ABCA13: variants seen among roughly 807,000 people sequenced by gnomAD.
ABCA13 encodes ATP binding cassette subfamily A member 13, also known as ATP-binding cassette sub-family A member 13.
ABCA13 carries 476 observed loss-of-function variants against 478.7 expected under a neutral mutation model. The observed-to-expected ratio is 0.99, with a 90% CI of 0.92 to 1.07. The LOEUF (loss-of-function observed/expected upper bound fraction) is 1.07, where lower values mean the gene tolerates loss of function less well. Among genes scored for constraint, ABCA13 ranks in the 50% least tolerant of loss-of-function variants. ABCA13 has a pLI of 0.00. For missense variants in ABCA13, 6,060 were observed against 5,910.6 expected, an observed-to-expected ratio of 1.03 and a Z score of -0.83; for synonymous variants, 2,252 against 2,158.9, an observed-to-expected ratio of 1.04 and a Z score of -1.20.
At chr7:48,596,755 G>A (rs1390572028) in intron 58 of ABCA13, among the ~76,000 whole-genome samples, 1 of 151,506 alleles carries the variant, frequency 6.6e-6, no homozygotes, top group East Asian at 2.0e-4. Context: ...CCAAGATCGG[G>A]CCACTGCACT....
intron 32 of ABCA13, among the ~76,000 whole-genome samples, chr7:48,370,186 C>T (rs1156805052): frequency 6.6e-6 from 1 of 152,044 alleles, no homozygotes; most frequent in East Asian, 1.9e-4. Context: ...TGATTTGACT[C>T]TCAGCTTGGT....
At chr7:48,298,846 A>C (rs911088376) in intron 23 of ABCA13, among the ~76,000 whole-genome samples, 1 of 152,348 alleles carries the variant, frequency 6.6e-6, no homozygotes, top group Admixed American at 6.5e-5. Context: ...TAAAATACCC[A>C]AAACCAAAAA....
Position 48,511,372 on chromosome 7 carries a change from C to G in ABCA13, c.13640+173C>G, listed in dbSNP as rs748409010. Among the ~76,000 whole-genome samples the G allele has an allele frequency of 3.3e-5, 5 of 152,108 alleles. 1 individual carries two copies. The highest frequency in any genetic ancestry group is 7.3e-5 in the Non-Finnish European group (5 of 68,028). ...AGCCTGAGCAGGATGATGAATGCCC[C>G]GTGGAGGAAGGAAGGGCTGACCTGG... is the stretch of plus-strand genomic sequence containing the variant. On this transcript the variant is annotated intron_variant, in intron 51 of 61. Coordinates refer to ENST00000435803, the MANE Select transcript of ABCA13 (RefSeq NM_152701.5).
chr7:48,288,732 T>A (rs1335952801), intron 20 of ABCA13, among the ~76,000 whole-genome samples: 1 of 152,208 alleles, frequency 6.6e-6, no homozygotes, highest in Admixed American at 6.5e-5. Context: ...CAAAAATTGA[T>A]GGCTGAATGG....
intron 15 of ABCA13, among the ~76,000 whole-genome samples, chr7:48,266,722 C>T (rs73697115): frequency 0.036 from 5,430 of 151,402 alleles, 297 homozygotes; most frequent in African/African-American, 0.12. Context: ...TTTCTTTATT[C>T]TACTTAGTTT....
chr7:48,450,930 C>T (rs374239537), intron 42 of ABCA13, among the ~76,000 whole-genome samples: 2 of 150,920 alleles, frequency 1.3e-5, no homozygotes, highest in African/African-American at 4.9e-5. Context: ...CAGTTAATAC[C>T]TACACATTAA....
intron 48 of ABCA13, among the ~76,000 whole-genome samples, chr7:48,492,408 C>T (rs1829917634): frequency 6.6e-6 from 1 of 152,180 alleles, no homozygotes; most frequent in South Asian, 2.1e-4. Context: ...CTTTCTTCTC[C>T]CACAGTTATT....
At position 48,227,180 on chromosome 7, in the gene ABCA13, C is replaced by T; in HGVS notation, c.469-82C>T. On this transcript the variant is annotated intron_variant, in intron 5 of 61. Coordinates refer to ENST00000435803, the MANE Select transcript of ABCA13 (RefSeq NM_152701.5). ...CTAGGAGAATGTCTACAATTTTGCACCTTTGTAGCATCTGTCTGTCTCATT... is the reference window on the plus strand; with the variant it reads ...CTAGGAGAATGTCTACAATTTTGCATCTTTGTAGCATCTGTCTGTCTCATT... 3 of 1,487,022 alleles carry T rather than the reference C, an allele frequency of 2.0e-6. 1 individual carries two copies. Among genetic ancestry groups the T allele is most frequent in the South Asian group, 2.4e-5 (2 of 83,862 alleles). The allele number at this position is 1,487,022 out of a possible 1,614,324, so 92.1% of individuals were successfully genotyped here. A position where few individuals can be genotyped will look rare whatever the true frequency, so the allele number is the denominator to read the frequency against.
At chr7:48,453,823 G>A (rs936187847) in intron 42 of ABCA13, among the ~76,000 whole-genome samples, 5 of 152,092 alleles carry the variant, frequency 3.3e-5, no homozygotes, top group South Asian at 4.1e-4. Flanking sequence ...ATCTCAACCC[G>A]TATGTTGGGG....
chr7:48,454,595 G>A (rs1825429908), intron 42 of ABCA13, among the ~76,000 whole-genome samples: 1 of 152,062 alleles, frequency 6.6e-6, no homozygotes, highest in Admixed American at 6.5e-5. Flanking sequence ...GCGGGGGCGG[G>A]GTGCAGGGAC....
Position 48,314,230 on chromosome 7 carries a change from A to C in ABCA13, c.9682-2A>C. ...TGCAATTTAGTTTTCTTATTTTCTC[A>C]GGTTTCACAAAATGTCCAGGCCAGA... On this transcript the variant is annotated splice_acceptor_variant, in intron 25 of 61. Transcript: ENST00000435803. LOFTEE classifies it high-confidence loss of function. 6.2e-7 allele frequency: 1 copy of C among 1,605,314 alleles called. No individual in the cohort carries two copies. Among genetic ancestry groups the C allele is most frequent in the Non-Finnish European group, 8.5e-7 (1 of 1,178,086 alleles).
chr7:48,277,332 C>T lies in ABCA13; in HGVS notation c.6900-762C>T, dbSNP rs564876427. The stretch of plus-strand genomic sequence containing the variant: ...GAAGGAAGACCAGGGGAAGGGAGAG[C>T]CACTGACTATGAATACCCAGCAGTG... On this transcript the variant is annotated intron_variant, in intron 17 of 61. Transcript: ENST00000435803. Among the ~76,000 whole-genome samples the T allele has an allele frequency of 9.2e-5, 14 of 152,280 alleles. No homozygotes were observed. The South Asian group carries it at 2.7e-3, about 29-fold the overall frequency.
chr7:48,526,645 C>A (rs1832908019), intron 54 of ABCA13, among the ~76,000 whole-genome samples: 1 of 152,120 alleles, frequency 6.6e-6, no homozygotes, highest in South Asian at 2.1e-4. Context: ...TCCTTGGCTA[C>A]AAATCTATAC....
chr7:48,210,964 T>G (rs934476979), intron 3 of ABCA13, among the ~76,000 whole-genome samples: 3 of 152,196 alleles, frequency 2.0e-5, no homozygotes, highest in African/African-American at 7.2e-5. Flanking sequence ...GTGATTATAT[T>G]GAGATCTCTC....
intron 43 of ABCA13, among the ~76,000 whole-genome samples, chr7:48,463,834 A>G (rs1745965025): frequency 6.6e-6 from 1 of 152,064 alleles, no homozygotes; most frequent in Non-Finnish European, 1.5e-5. Flanking sequence ...AACGGAACGG[A>G]ACGGAAAGGA....
chr7:48,338,480 G>A (rs1806623142), intron 29 of ABCA13, 25 bp downstream of exon 29: 1 of 1,550,806 alleles, frequency 6.4e-7, no homozygotes, highest in Non-Finnish European at 8.7e-7. Context: ...GGGCATGGTA[G>A]TGTTCTTCTG....
intron 7 of ABCA13, 116 bp downstream of exon 7, chr7:48,230,071 C>G: frequency 7.9e-7 from 1 of 1,266,644 alleles, no homozygotes; most frequent in Non-Finnish European, 1.0e-6. Flanking sequence ...ATTTCAAATT[C>G]AAAAAAGTAT....
intron 52 of ABCA13, among the ~76,000 whole-genome samples, chr7:48,518,992 G>A (rs1832334021): frequency 6.6e-6 from 1 of 151,746 alleles, no homozygotes; most frequent in East Asian, 1.9e-4. Context: ...AGGCCCCAGT[G>A]TGTGTTGTTC....
intron 58 of ABCA13, among the ~76,000 whole-genome samples, chr7:48,595,355 C>T (rs1442164862): frequency 6.6e-6 from 1 of 152,200 alleles, no homozygotes; most frequent in Non-Finnish European, 1.5e-5. Flanking sequence ...ATAAAACCTA[C>T]TTATGGGGAG....
Sources: gnomAD v4.1 joint callset for allele counts (sites outside exome capture counted in the v4.1 genomes callset) on GRCh38, gnomAD v4.1.1 for gene constraint, MANE v1.5 for transcripts, NCBI Gene and HGNC (gene_info 2026-07-23, HGNC 2026-07-21) for gene names.